The following USP35 variants were observed in gnomAD, a reference collection of about 807,000 sequenced individuals.
The protein encoded by USP35 is ubiquitin carboxyl-terminal hydrolase 35.
In USP35, 69 loss-of-function variants were observed where a neutral mutation model predicts 83.8. The ratio of observed to expected loss-of-function variants is 0.82; its 90% CI spans 0.68 to 1.01. The LOEUF (loss-of-function observed/expected upper bound fraction) is 1.01, where lower values mean the gene tolerates loss of function less well. USP35 is among the 50% of genes least tolerant of loss of function. The pLI, the probability that USP35 is intolerant of heterozygous loss-of-function variation, is 0.00. For synonymous variants in USP35, 714 were observed against 589.5 expected (o/e 1.21, Z -3.06); for missense variants, 1,503 against 1,362.5 (o/e 1.10, Z -1.62).
chr11:78,223,734 G>T, the USP35 span: 3 of 1,414,146 alleles, frequency 2.1e-6, no homozygotes, highest in Non-Finnish European at 1.9e-6. Flanking sequence ...AAACAGGAAG[G>T]GGGTAAGACT....
chr11:78,194,940 T>C (rs1282497681), intron 1 of USP35, among the ~76,000 whole-genome samples: 1 of 152,102 alleles, frequency 6.6e-6, no homozygotes, highest in African/African-American at 2.4e-5. Flanking sequence ...ATAAGGGAGA[T>C]TGACCCAGGC....
chr11:78,225,646 G>A, the USP35 span, among the ~76,000 whole-genome samples: 1 of 152,230 alleles, frequency 6.6e-6, no homozygotes, highest in Admixed American at 6.5e-5. Flanking sequence ...GAGTATGACT[G>A]CTCAAATTGT....
chr11:78,193,161 G>C (rs1174477094), intron 1 of USP35, among the ~76,000 whole-genome samples: 1 of 152,132 alleles, frequency 6.6e-6, no homozygotes, highest in Non-Finnish European at 1.5e-5. Flanking sequence ...CTAGAAAGGG[G>C]ACCAGGGCTG....
intron 3 of USP35, among the ~76,000 whole-genome samples, chr11:78,198,403 G>T (rs911388291): frequency 2.6e-4 from 40 of 152,232 alleles, no homozygotes; most frequent in African/African-American, 9.2e-4. Flanking sequence ...GTAAGAGGGT[G>T]AGAGTGCTTC....
chr11:78,207,914 C>G (rs1346058516), intron 8 of USP35, among the ~76,000 whole-genome samples: 2 of 152,162 alleles, frequency 1.3e-5, no homozygotes, highest in Admixed American at 1.3e-4. Context: ...GCTGCTAAAA[C>G]CAAATACTCG....
the USP35 span, chr11:78,221,622 G>T: frequency 1.9e-6 from 2 of 1,052,158 alleles, no homozygotes; most frequent in Admixed American, 1.9e-5. Context: ...GGAACTGAGG[G>T]GTGGGTCCCA....
Position 78,210,184 on chromosome 11 carries a change from G to C in USP35, c.2329G>C (p.Glu777Gln), listed in dbSNP as rs759018822. ...YFLSPEKLTAENRYYCESCAS... is the reference protein window; with the variant it reads ...YFLSPEKLTAQNRYYCESCAS... ...CCTGTCCCCCGAGAAGCTGACAGCA[G>C]AAAACCGCTACTACTGCGAGTCGTG... The change falls in exon 10 of 11, where the codon GAA (glutamate) becomes CAA (glutamine). Residue 777 changes from glutamate (E) to glutamine (Q), a missense_variant. Physicochemically the swap from Glu to Gln is conservative, Grantham distance 29. Coordinates refer to ENST00000529308, the MANE Select transcript of USP35 (RefSeq NM_020798.4). 2.5e-6 allele frequency: 4 copies of C among 1,613,862 alleles called. No homozygotes were observed. Among genetic ancestry groups the C allele is most frequent in the Non-Finnish European group, 3.4e-6 (4 of 1,180,016 alleles).
chr11:78,220,497 C>T, the USP35 span: 1 of 1,505,728 alleles, frequency 6.6e-7, no homozygotes, highest in Non-Finnish European at 8.9e-7. Context: ...GACTAACCCA[C>T]CACCCAGAAA....
intron 1 of USP35, among the ~76,000 whole-genome samples, chr11:78,194,655 G>A (rs1863090356): frequency 6.6e-6 from 1 of 152,170 alleles, no homozygotes; most frequent in Admixed American, 6.5e-5. Context: ...GTGGGACAAA[G>A]TCTTCAGGAA....
At chr11:78,204,478 G>C (rs911564543) in intron 6 of USP35, among the ~76,000 whole-genome samples, 1 of 152,134 alleles carries the variant, frequency 6.6e-6, no homozygotes, top group Admixed American at 6.5e-5. Flanking sequence ...AACATTATTA[G>C]GTTCTTAAGT....
At position 78,196,650 on chromosome 11, in the gene USP35, C is replaced by T; in HGVS notation, c.405C>T (p.Arg135=). 1 of 1,391,226 alleles carries T rather than the reference C, an allele frequency of 7.2e-7. No homozygotes were observed. Among genetic ancestry groups the T allele is most frequent in the Non-Finnish European group, 9.2e-7 (1 of 1,081,374 alleles). 86.2% of individuals were successfully genotyped at this position (1,391,226 alleles called of 1,614,324 possible). Residue 135 remains arginine, a synonymous_variant, in exon 2 of 11, where the codon CGC becomes CGT. Transcript: ENST00000529308. This position sits in a 1 kb window ranked among gnomAD's most constrained non-coding sequence, Gnocchi z 4.8. ...RREVLRTVCE[R]PGPAACAQVA... is the part of the protein sequence containing the mutation. ...AGGTGCTGCGCACCGTGTGCGAGCG[C>T]CCGGGCCCCGCGGCCTGCGCGCAGG...
At chr11:78,219,072 A>C, downstream of USP35, 9 of 555,432 alleles carry the variant, frequency 1.6e-5, no homozygotes, top group Non-Finnish European at 2.9e-5. Flanking sequence ...CTGGGCCCCG[A>C]GTGGGCAGAG....
At chr11:78,212,164 C>T (rs1863808598) in intron 10 of USP35, among the ~76,000 whole-genome samples, 1 of 152,176 alleles carries the variant, frequency 6.6e-6, no homozygotes, top group Admixed American at 6.5e-5. Flanking sequence ...CTATGGCTAG[C>T]CAGTTCTTCC....
Position 78,209,810 on chromosome 11 carries a change from C to G in USP35, c.1955C>G (p.Thr652Ser). ...AGGAAACACTGCATCACAGAGGACACCCCCCCCACCAGCCTGTACATCGAA... is the reference window on the plus strand; with the variant it reads ...AGGAAACACTGCATCACAGAGGACAGCCCCCCCACCAGCCTGTACATCGAA... ...RQRKHCITED[T>S]PPTSLYIEGL... The change falls in exon 10 of 11, where the codon ACC becomes AGC. Residue 652 changes from threonine to serine, a missense_variant. Physicochemically the swap from Thr to Ser is moderately conservative, Grantham distance 58. Coordinates refer to ENST00000529308, the MANE Select transcript of USP35 (RefSeq NM_020798.4). 6.2e-7 allele frequency: 1 copy of G among 1,608,472 alleles called. No homozygotes were observed. The highest frequency in any genetic ancestry group is 1.1e-5 in the South Asian group (1 of 90,596).
At chr11:78,222,448 G>A in the USP35 span, among the ~76,000 whole-genome samples, 6 of 150,660 alleles carry the variant, frequency 4.0e-5, no homozygotes, top group Admixed American at 4.0e-4. Context: ...ATCAAAAGTG[G>A]GGACACAGGG....
Position 78,213,941 on chromosome 11 carries a change from GAAGGGTACACAGA to G in USP35, c.*129_*141del. 9.6e-7 allele frequency: 1 copy of G among 1,046,272 alleles called. No homozygotes were observed. The highest frequency in any genetic ancestry group is 1.3e-6 in the Non-Finnish European group (1 of 759,078). 64.8% of individuals were successfully genotyped at this position (1,046,272 alleles called of 1,614,324 possible). ...ATGGCACCTTAGTCCTCAGCCTGAT[GAAGGGTACACAGA>G]GATTCTCTCAGATATGGAAGTAAGA... is the stretch of plus-strand genomic sequence containing the variant. On this transcript the variant is annotated 3_prime_UTR_variant, in exon 11 of 11. Coordinates refer to ENST00000529308, the MANE Select transcript of USP35 (RefSeq NM_020798.4).
chr11:78,201,531 G>A (rs1281432299), intron 6 of USP35, among the ~76,000 whole-genome samples: 2 of 152,156 alleles, frequency 1.3e-5, no homozygotes, highest in Non-Finnish European at 2.9e-5. Context: ...GAAACCAGAG[G>A]AAGGAAAGAT....
At chr11:78,235,390 G>A in the USP35 span, among the ~76,000 whole-genome samples, 1 of 152,058 alleles carries the variant, frequency 6.6e-6, no homozygotes, top group African/African-American at 2.4e-5. Flanking sequence ...CTGACCTTGA[G>A]ATCCGCCCAC....
chr11:78,211,780 C>A (rs1023039097), intron 10 of USP35, among the ~76,000 whole-genome samples: 3 of 152,154 alleles, frequency 2.0e-5, no homozygotes, highest in Admixed American at 2.0e-4. Flanking sequence ...GTCCTTTGCC[C>A]ACTTTTTAAT....
Sources: allele counts gnomAD v4.1 joint callset (sites outside exome capture counted in the v4.1 genomes callset), GRCh38; gene constraint gnomAD v4.1.1; non-coding constraint Gnocchi (gnomAD v3.1); transcripts MANE v1.5; gene names NCBI Gene and HGNC (gene_info 2026-07-23, HGNC 2026-07-21).